VIT: variants seen among roughly 807,000 people sequenced by gnomAD.
VIT encodes vitrin.
Under a neutral mutation model 78.0 loss-of-function variants are expected in VIT, and 99 were observed. The observed-to-expected ratio is 1.27, with a 90% CI of 1.08 to 1.50. The LOEUF is 1.50. Ranked by LOEUF, VIT falls within the 40% of genes most tolerant of loss-of-function variation. The pLI is 0.00. For missense variants in VIT, 1,126 were observed against 875.3 expected (o/e 1.29, Z -3.61); for synonymous variants, 374 against 334.3 (o/e 1.12, Z -1.29).
At position 36,801,379 on chromosome 2, in the gene VIT, T is replaced by C. The variant is rs908381002; in HGVS notation, c.1137T>C (p.Thr379=). The change falls in exon 13 of 16, where the codon ACT becomes ACC. Residue 379 remains threonine, a synonymous_variant. Coordinates refer to ENST00000379242, the MANE Select transcript of VIT (RefSeq NM_053276.4). Reference sequence around the variant, plus strand: ...TGAAGACAGCCATAGAGAAAATTACTCAGAGAGGAGGACTTTCTAATGTAG... The same window carrying C: ...TGAAGACAGCCATAGAGAAAATTACCCAGAGAGGAGGACTTTCTAATGTAG... ...RDLKTAIEKI[T]QRGGLSNVGR... is the part of the protein sequence containing the mutation. 1 of 1,613,872 alleles carries C rather than the reference T, an allele frequency of 6.2e-7. No individual in the cohort carries two copies. The highest frequency in any genetic ancestry group is 1.1e-5 in the South Asian group (1 of 91,082).
chr2:36,787,256 G>A lies in VIT; in HGVS notation c.1038G>A (p.Leu346=), dbSNP rs747748876. Residue 346 remains leucine (L), a synonymous_variant, in exon 12 of 16, where the codon CTG becomes CTA. Transcript: ENST00000379242. ...QALDIGPAGP[L]MGVVQYGDNP... is the part of the protein sequence containing the mutation. ...TTGACATTGGCCCTGCCGGTCCACTGATGGGTGTTGTCCAGTATGGGTAAG... is the reference window on the plus strand; with the variant it reads ...TTGACATTGGCCCTGCCGGTCCACTAATGGGTGTTGTCCAGTATGGGTAAG... 2 of 1,614,196 alleles carry A rather than the reference G, an allele frequency of 1.2e-6. No homozygotes were observed. Among genetic ancestry groups the A allele is most frequent in the East Asian group, 4.5e-5 (2 of 44,884 alleles).
intron 5 of VIT, among the ~76,000 whole-genome samples, chr2:36,756,641 C>G (rs918423813): frequency 5.3e-5 from 8 of 152,188 alleles, no homozygotes; most frequent in Non-Finnish European, 1.0e-4. Flanking sequence ...GCCCACAGTT[C>G]AAATTAGACT....
chr2:36,737,552 T>A (rs1188021421), intron 3 of VIT, among the ~76,000 whole-genome samples: 1 of 152,228 alleles, frequency 6.6e-6, no homozygotes, highest in African/African-American at 2.4e-5. Context: ...CAACATGTAG[T>A]TCACATAGTT....
Position 36,784,838 on chromosome 2 carries a change from A to G in VIT, c.910+1436A>G, listed in dbSNP as rs144534545. On this transcript the variant is annotated intron_variant, in intron 11 of 15. Transcript: ENST00000379242. ...CAGATCAGAATGTTTTCACCTCTAT[A>G]TAAGAAAGTCATGGGTCTCAGTCAA... 8.5e-5 allele frequency among the ~76,000 whole-genome samples: 13 copies of G among 152,364 alleles called. No homozygotes were observed. The East Asian group carries it at 2.5e-3, about 29-fold the overall frequency.
chr2:36,783,207 TG>T, intron 10 of VIT, 132 bp from the exon 11 acceptor site: 1 of 698,078 alleles, frequency 1.4e-6, no homozygotes, highest in Non-Finnish European at 2.4e-6. Context: ...GGGGGTGATG[TG>T]AAAAAAAGCA....
intron 3 of VIT, among the ~76,000 whole-genome samples, chr2:36,737,924 T>C (rs1037913618): frequency 3.3e-5 from 5 of 152,242 alleles, no homozygotes; most frequent in African/African-American, 9.6e-5. Flanking sequence ...CTAGCCCTTC[T>C]TCTGATATGG....
intron 2 of VIT, among the ~76,000 whole-genome samples, chr2:36,723,817 G>A (rs1208475813): frequency 6.6e-6 from 1 of 152,036 alleles, no homozygotes; most frequent in Non-Finnish European, 1.5e-5. Context: ...CAGGCACGGT[G>A]GCACACGTCT....
chr2:36,764,565 G>C (rs1487074811), intron 6 of VIT, among the ~76,000 whole-genome samples: 1 of 152,200 alleles, frequency 6.6e-6, no homozygotes, highest in African/African-American at 2.4e-5. Context: ...TCTGACACAG[G>C]CTACAGGCAA....
intron 6 of VIT, among the ~76,000 whole-genome samples, chr2:36,765,482 A>C (rs1212837314): frequency 1.3e-5 from 2 of 151,738 alleles, no homozygotes; most frequent in Non-Finnish European, 2.9e-5. Context: ...AGAGCTTGTG[A>C]GAACTCACTC....
chr2:36,767,431 T>C (rs976579462), intron 7 of VIT, 146 bp downstream of exon 7: 94 of 777,684 alleles, frequency 1.2e-4, no homozygotes, highest in Non-Finnish European at 1.6e-4. Flanking sequence ...TGTGTCCTCC[T>C]CCTAGATTCA....
intron 7 of VIT, among the ~76,000 whole-genome samples, chr2:36,768,360 A>T (rs1669559864): frequency 6.6e-6 from 1 of 152,096 alleles, no homozygotes; most frequent in Non-Finnish European, 1.5e-5. Flanking sequence ...TGAACCTGGG[A>T]GGCAGAGGTT....
intron 1 of VIT, among the ~76,000 whole-genome samples, chr2:36,707,745 G>T (rs966089656): frequency 6.6e-6 from 1 of 151,874 alleles, no homozygotes; most frequent in Admixed American, 6.6e-5. Flanking sequence ...GCCTGACTCG[G>T]AGTACATCTT....
chr2:36,784,019 C>T (rs948654835), intron 11 of VIT, among the ~76,000 whole-genome samples: 4 of 152,022 alleles, frequency 2.6e-5, no homozygotes, highest in South Asian at 4.2e-4. Flanking sequence ...AGCTATGGTT[C>T]GAAACCGAGG....
intron 12 of VIT, among the ~76,000 whole-genome samples, chr2:36,796,454 G>A (rs1359597301): frequency 1.3e-5 from 2 of 152,102 alleles, no homozygotes; most frequent in African/African-American, 4.8e-5. Flanking sequence ...GAACGTAACT[G>A]CCAAAACTAA....
At chr2:36,699,356 G>A (rs1278755640) in intron 1 of VIT, among the ~76,000 whole-genome samples, 2 of 152,088 alleles carry the variant, frequency 1.3e-5, no homozygotes, top group Non-Finnish European at 2.9e-5. Flanking sequence ...AAATTTCACT[G>A]TTGAGACTCT....
chr2:36,756,121 C>T (rs1023574191), intron 5 of VIT, among the ~76,000 whole-genome samples: 3 of 151,946 alleles, frequency 2.0e-5, no homozygotes, highest in Non-Finnish European at 4.4e-5. Context: ...CCATGCCCGG[C>T]TAATTTTTGT....
chr2:36,786,992 A>G, intron 11 of VIT, 137 bp from the exon 12 acceptor site: 2 of 1,073,762 alleles, frequency 1.9e-6, no homozygotes, highest in South Asian at 1.6e-5. Context: ...AAATAAATAT[A>G]CCCTGCATCT....
At chr2:36,717,370 G>C (rs181017127) in intron 2 of VIT, among the ~76,000 whole-genome samples, 6,965 of 145,190 alleles carry the variant, frequency 0.048, 273 homozygotes, top group African/African-American at 0.08. Flanking sequence ...GTGTGTGTGT[G>C]TGTGTGTGTG....
At chr2:36,751,412 T>C (rs1001624843) in intron 4 of VIT, among the ~76,000 whole-genome samples, 1 of 152,072 alleles carries the variant, frequency 6.6e-6, no homozygotes, top group African/African-American at 2.4e-5. Flanking sequence ...AATAAATAAA[T>C]TCCTAGTTAG....
Sources: allele counts gnomAD v4.1 joint callset (sites outside exome capture counted in the v4.1 genomes callset), GRCh38; gene constraint gnomAD v4.1.1; transcripts MANE v1.5; gene names NCBI Gene and HGNC (gene_info 2026-07-23, HGNC 2026-07-21).